SMARCC2: variants seen among roughly 807,000 people sequenced by gnomAD.
SMARCC2 encodes the protein SWI/SNF complex subunit SMARCC2.
Under a neutral mutation model 151.3 loss-of-function variants are expected in SMARCC2, and 15 were observed. The observed-to-expected ratio is 0.10, with a 90% CI of 0.07 to 0.15. SMARCC2 has a LOEUF of 0.15. Ranked by LOEUF, SMARCC2 falls within the 10% of genes least tolerant of loss-of-function variation. The probability of loss-of-function intolerance (pLI) is 1.00; values close to 1 mark genes in which losing one functional copy is unlikely to be tolerated. For synonymous variants in SMARCC2, 590 were observed against 609.5 expected (o/e 0.97, Z 0.47); for missense variants, 1,031 against 1,599.7 (o/e 0.64, Z 6.06).
Position 56,171,976 on chromosome 12 carries a change from C to A in SMARCC2, c.1927-39G>T. 6.4e-7 allele frequency: 1 copy of A among 1,551,364 alleles called. No homozygotes were observed. Among genetic ancestry groups the A allele is most frequent in the South Asian group, 1.2e-5 (1 of 81,162 alleles). ...TGGAGACATAACTCCGCTTACTTAG[C>A]CACTTTTCTCGAAGGCTGACTCCCC... On this transcript the variant is annotated intron_variant, in intron 20 of 28. Coordinates refer to ENST00000550164, the MANE Select transcript of SMARCC2 (RefSeq NM_001330288.2). This position sits in a 1 kb window ranked among gnomAD's most constrained non-coding sequence, Gnocchi z 4.2.
intron 5 of SMARCC2, 123 bp downstream of exon 5, chr12:56,184,721 T>C: frequency 1.5e-6 from 1 of 645,746 alleles, no homozygotes; most frequent in Non-Finnish European, 2.8e-6. Flanking sequence ...CAAGTCTTTT[T>C]CCAAGTAGAC....
At chr12:56,173,077 G>C (rs781588917) in intron 17 of SMARCC2, 48 bp from the exon 18 acceptor site, 3 of 1,584,894 alleles carry the variant, frequency 1.9e-6, no homozygotes, top group Non-Finnish European at 2.6e-6. Flanking sequence ...GAAATGACCA[G>C]GCCAAGGCCC....
intron 16 of SMARCC2, chr12:56,174,391 C>A: frequency 2.9e-6 from 1 of 344,452 alleles, no homozygotes; most frequent in East Asian, 4.8e-5. Flanking sequence ...GGATTATAGG[C>A]ATGAGCCACC....
intron 8 of SMARCC2, 41 bp downstream of exon 8, chr12:56,181,963 G>A (rs1303228763): frequency 6.3e-7 from 1 of 1,583,228 alleles, no homozygotes; most frequent in Admixed American, 1.7e-5. Flanking sequence ...GACTGTTCCT[G>A]GCATTCTTTT....
Position 56,163,701 on chromosome 12 carries a change from T to G in SMARCC2, c.3726A>C (p.Pro1242=). 1 of 1,494,360 alleles carries G rather than the reference T, an allele frequency of 6.7e-7. No individual in the cohort carries two copies. Among genetic ancestry groups the G allele is most frequent in the Non-Finnish European group, 8.9e-7 (1 of 1,126,612 alleles). The allele number at this position is 1,494,360 out of a possible 1,614,324, so 92.6% of individuals were successfully genotyped here. A position where few individuals can be genotyped will look rare whatever the true frequency, so the allele number is the denominator to read the frequency against. Residue 1242 remains proline (P), a synonymous_variant, in exon 29 of 29, where the codon CCA becomes CCC. Coordinates refer to ENST00000550164, the MANE Select transcript of SMARCC2 (RefSeq NM_001330288.2). ...APSPGTVTPV[P]PPQ ...TCTGGCTGGCTCCTCACTGTGGAGG[T>G]GGCACAGGGGTGACCGTGCCTGGGC...
intron 15 of SMARCC2, among the ~76,000 whole-genome samples, chr12:56,175,912 A>G (rs1383084188): frequency 1.3e-5 from 2 of 151,874 alleles, no homozygotes; most frequent in Non-Finnish European, 2.9e-5. Context: ...AGGCTGGAGT[A>G]CAATGATGAG....
In SMARCC2 at chr12:56,173,627, C is replaced by A. The variant is rs1592293806; in HGVS notation, c.1650+69G>T. 3 of 1,428,748 alleles carry A rather than the reference C, an allele frequency of 2.1e-6. No individual in the cohort carries two copies. The East Asian group carries it at 6.9e-5, about 33-fold the overall frequency. 88.5% of individuals were successfully genotyped at this position (1,428,748 alleles called of 1,614,324 possible). A position where few individuals can be genotyped will look rare whatever the true frequency, so the allele number is the denominator to read the frequency against. Reference sequence around the variant, plus strand: ...ACTCCTGAACCATTACCCTAAAAACCAGAAAAAGAAAAGTTCAAAGAAGCC... The same window carrying A: ...ACTCCTGAACCATTACCCTAAAAACAAGAAAAAGAAAAGTTCAAAGAAGCC... On this transcript the variant is annotated intron_variant, in intron 17 of 28. Coordinates refer to ENST00000550164, the MANE Select transcript of SMARCC2 (RefSeq NM_001330288.2).
chr12:56,167,487 G>T (rs1468248721), intron 26 of SMARCC2, among the ~76,000 whole-genome samples: 7 of 152,184 alleles, frequency 4.6e-5, no homozygotes, highest in Admixed American at 3.3e-4. Flanking sequence ...ACAAATGTGG[G>T]CCACTGTGCC....
At position 56,173,124 on chromosome 12, in the gene SMARCC2, G is replaced by A. The variant is rs532944712; in HGVS notation, c.1651-95C>T. On this transcript the variant is annotated intron_variant, in intron 17 of 28. Coordinates refer to ENST00000550164, the MANE Select transcript of SMARCC2 (RefSeq NM_001330288.2). ...AGACCATATGCTGGGCGGCCCACAA[G>A]CTCTGGGGGCACTCATGCCACTGTT... The A allele has an allele frequency of 2.4e-5, 24 of 995,590 alleles. No individual in the cohort carries two copies. The South Asian group carries it at 3.0e-4, about 13-fold the overall frequency. 61.7% of individuals were successfully genotyped at this position (995,590 alleles called of 1,614,324 possible). A position where few individuals can be genotyped will look rare whatever the true frequency, so the allele number is the denominator to read the frequency against.
At chr12:56,180,443 G>A (rs1415581728) in intron 11 of SMARCC2, among the ~76,000 whole-genome samples, 13 of 139,252 alleles carry the variant, frequency 9.3e-5, no homozygotes, top group Admixed American at 7.6e-5. Context: ...TGCTCTTGTC[G>A]CCCAGGCTGG....
intron 14 of SMARCC2, 116 bp downstream of exon 14, chr12:56,178,288 G>A (rs1160814845): frequency 8.2e-7 from 1 of 1,217,552 alleles, no homozygotes; most frequent in South Asian, 1.3e-5. Context: ...AGTGTACTCT[G>A]GTCTATTTGG....
Position 56,171,134 on chromosome 12 carries a change from TG to T in SMARCC2, c.2347+136del. On this transcript the variant is annotated intron_variant, in intron 22 of 28. Coordinates refer to ENST00000550164, the MANE Select transcript of SMARCC2 (RefSeq NM_001330288.2). This position sits in a 1 kb window ranked among gnomAD's most constrained non-coding sequence, Gnocchi z 4.2. ...CTCCAGAGCCCCTGAGGTAAACTCATGGGGAAAATAAAAACCCTACCAATGT... is the reference window on the plus strand; with the variant it reads ...CTCCAGAGCCCCTGAGGTAAACTCATGGGAAAATAAAAACCCTACCAATGT... The T allele has an allele frequency of 2.5e-6, 2 of 792,780 alleles. No individual in the cohort carries two copies. Among genetic ancestry groups the T allele is most frequent in the Non-Finnish European group, 4.0e-6 (2 of 499,716 alleles). 49.1% of individuals were successfully genotyped at this position (792,780 alleles called of 1,614,324 possible). A position where few individuals can be genotyped will look rare whatever the true frequency, so the allele number is the denominator to read the frequency against.
intron 11 of SMARCC2, among the ~76,000 whole-genome samples, 153 bp downstream of exon 11, chr12:56,180,824 G>A (rs1391536244): frequency 6.6e-6 from 1 of 152,186 alleles, no homozygotes; most frequent in African/African-American, 2.4e-5. Flanking sequence ...ATTTTCCAGG[G>A]TAATGACCGT....
rs774995986 is a variant in SMARCC2, at chr12:56,169,589, G to A, written c.2655C>T (p.Gly885=). 19 of 1,614,076 alleles carry A rather than the reference G, an allele frequency of 1.2e-5. No individual in the cohort carries two copies. The South Asian group carries it at 1.3e-4, about 11-fold the overall frequency. Residue 885 remains glycine (G), a synonymous_variant, in exon 25 of 29, where the codon GGC becomes GGT. Coordinates refer to ENST00000550164, the MANE Select transcript of SMARCC2 (RefSeq NM_001330288.2). ...CAGCAGCGGTGGAGAGGTTGCCCTCGCCAATGTCCCGCTCCACCTTTGTCT... is the reference window on the plus strand; with the variant it reads ...CAGCAGCGGTGGAGAGGTTGCCCTCACCAATGTCCCGCTCCACCTTTGTCT... ...ERKTKVERDI[G]EGNLSTAAAA...
rs201331444 is a variant in SMARCC2, at chr12:56,165,704, C to T, written c.2851-5G>A. 1.9e-6 allele frequency: 3 copies of T among 1,607,990 alleles called. No individual in the cohort carries two copies. Among genetic ancestry groups the T allele is most frequent in the East Asian group, 4.5e-5 (2 of 44,888 alleles). ...CTGCTGCCTCTGATACTCCAGCTGC[C>T]AGTGCCAATTGAGTATTGTTATCCA... On this transcript the variant is annotated splice_polypyrimidine_tract_variant and splice_region_variant and intron_variant, in intron 26 of 28. Coordinates refer to ENST00000550164, the MANE Select transcript of SMARCC2 (RefSeq NM_001330288.2).
chr12:56,186,146 T>G lies in SMARCC2; in HGVS notation c.317+9A>C. 1 of 1,564,718 alleles carries G rather than the reference T, an allele frequency of 6.4e-7. No individual in the cohort carries two copies. On this transcript the variant is annotated intron_variant, in intron 3 of 28. Transcript: ENST00000550164. ...CTAAATATAAGAAGAATAGAGAGAA[T>G]CATCTCACCATCCCTGGTCACTCTT...
At chr12:56,188,108 T>C (rs1877614911) in intron 1 of SMARCC2, among the ~76,000 whole-genome samples, 1 of 152,132 alleles carries the variant, frequency 6.6e-6, no homozygotes, top group Non-Finnish European at 1.5e-5. Context: ...AAGAGATAGA[T>C]CTGTGAAGGG....
chr12:56,163,828 C>T, intron 28 of SMARCC2, 63 bp from the exon 29 acceptor site: 3 of 1,100,984 alleles, frequency 2.7e-6, no homozygotes, highest in Non-Finnish European at 3.8e-6. Context: ...AGACCCAGAC[C>T]ACCACAGACA....
intron 26 of SMARCC2, 99 bp downstream of exon 26, chr12:56,167,961 C>CAT: frequency 3.5e-6 from 3 of 869,236 alleles, no homozygotes; most frequent in Non-Finnish European, 3.5e-6. Flanking sequence ...AACACACACA[C>CAT]ACACACACAC....
Sources: allele counts gnomAD v4.1 joint callset (sites outside exome capture counted in the v4.1 genomes callset), GRCh38; gene constraint gnomAD v4.1.1; non-coding constraint Gnocchi (gnomAD v3.1); transcripts MANE v1.5; gene names NCBI Gene and HGNC (gene_info 2026-07-23, HGNC 2026-07-21).